The following INO80 variants were observed in gnomAD, a reference collection of about 807,000 sequenced individuals.
INO80 encodes the protein chromatin-remodeling ATPase INO80.
In INO80, 20 loss-of-function variants were observed where a neutral mutation model predicts 203.4. The observed-to-expected ratio is 0.10, with a 90% CI of 0.07 to 0.14. The LOEUF (loss-of-function observed/expected upper bound fraction) is 0.14, where lower values mean the gene tolerates loss of function less well. Among genes scored for constraint, INO80 ranks in the 10% least tolerant of loss-of-function variants. The pLI, the probability that INO80 is intolerant of heterozygous loss-of-function variation, is 1.00. For synonymous variants in INO80, 726 were observed against 685.2 expected, an observed-to-expected ratio of 1.06 and a Z score of -0.93; for missense variants, 1,419 against 1,914.4, an observed-to-expected ratio of 0.74 and a Z score of 4.83.
chr15:41,102,830 CTT>C (rs2045829444), intron 1 of INO80, among the ~76,000 whole-genome samples: 1 of 152,054 alleles, frequency 6.6e-6, no homozygotes, highest in Non-Finnish European at 1.5e-5. Context: ...ATTTAATAAT[CTT>C]TGAAAACTTG....
chr15:41,069,997 C>A (rs562238025), intron 13 of INO80, among the ~76,000 whole-genome samples: 2 of 152,198 alleles, frequency 1.3e-5, no homozygotes, highest in East Asian at 3.9e-4. Flanking sequence ...AGGTATAGAG[C>A]TTTTGCTTTT....
chr15:41,037,652 G>T (rs1285737401), intron 24 of INO80, among the ~76,000 whole-genome samples: 5 of 152,062 alleles, frequency 3.3e-5, no homozygotes, highest in Non-Finnish European at 4.4e-5. Context: ...CTATTAAAAA[G>T]TATAGTTGGG....
rs936380306 is a variant in INO80, at chr15:41,116,247, G to T, written c.-318C>A. On this transcript the variant is annotated 5_prime_UTR_variant, in exon 1 of 36. Transcript: ENST00000648947. ...ACTGAGAGGAGCGGAGCAGGGACACGGGGAGCCATGGCGGGGGGGAGGAGA... is the reference window on the plus strand; with the variant it reads ...ACTGAGAGGAGCGGAGCAGGGACACTGGGAGCCATGGCGGGGGGGAGGAGA... 3 of 400,596 alleles carry T rather than the reference G, an allele frequency of 7.5e-6. No individual in the cohort carries two copies. Among genetic ancestry groups the T allele is most frequent in the Non-Finnish European group, 1.3e-5 (3 of 227,966 alleles). 24.8% of individuals were successfully genotyped at this position (400,596 alleles called of 1,614,324 possible).
chr15:41,067,438 G>C (rs763867625), intron 14 of INO80, among the ~76,000 whole-genome samples: 48 of 151,770 alleles, frequency 3.2e-4, no homozygotes, highest in Non-Finnish European at 5.7e-4. Context: ...GAAAAAAAAA[G>C]CAGAAAAAGA....
At chr15:41,009,923 C>G (rs947082778) in intron 27 of INO80, among the ~76,000 whole-genome samples, 1 of 152,026 alleles carries the variant, frequency 6.6e-6, no homozygotes, top group East Asian at 1.9e-4. Flanking sequence ...TTAAAAGCAT[C>G]GGAACACTTT....
At chr15:40,986,819 G>A (rs923845120) in intron 31 of INO80, among the ~76,000 whole-genome samples, 1 of 152,066 alleles carries the variant, frequency 6.6e-6, no homozygotes, top group Non-Finnish European at 1.5e-5. Context: ...TAGAGGTGGG[G>A]TTTCACAATG....
At chr15:41,087,149 G>T (rs528289767) in intron 6 of INO80, among the ~76,000 whole-genome samples, 8 of 151,842 alleles carry the variant, frequency 5.3e-5, no homozygotes, top group Admixed American at 5.3e-4. Context: ...AAAAAAGAAT[G>T]GTTGCAGCAG....
intron 23 of INO80, among the ~76,000 whole-genome samples, chr15:41,046,117 G>A (rs144065878): frequency 1.3e-5 from 2 of 149,216 alleles, no homozygotes; most frequent in Non-Finnish European, 3.0e-5. Context: ...AGAAATTATG[G>A]GAGAAAAGCC....
At chr15:41,036,888 A>G (rs1183967189) in intron 24 of INO80, among the ~76,000 whole-genome samples, 1 of 152,106 alleles carries the variant, frequency 6.6e-6, no homozygotes, top group African/African-American at 2.4e-5. Context: ...GTTACTTGAG[A>G]TCAGGAGTTT....
intron 1 of INO80, among the ~76,000 whole-genome samples, chr15:41,107,844 G>GT (rs1308573612): frequency 6.2e-5 from 9 of 144,462 alleles, no homozygotes; most frequent in Non-Finnish European, 1.4e-4. Flanking sequence ...GCTCACGCCT[G>GT]TAATGCCAGC....
At chr15:41,101,829 C>T (rs1388314570) in intron 1 of INO80, among the ~76,000 whole-genome samples, 4 of 150,270 alleles carry the variant, frequency 2.7e-5, no homozygotes, top group African/African-American at 9.7e-5. Context: ...GGATTACAGG[C>T]GTGAGCCACC....
chr15:41,109,630 T>C (rs888800133), intron 1 of INO80, among the ~76,000 whole-genome samples: 33 of 149,756 alleles, frequency 2.2e-4, no homozygotes, highest in African/African-American at 7.9e-4. Context: ...AACCCTATCT[T>C]ACTAAAAATA....
intron 29 of INO80, among the ~76,000 whole-genome samples, chr15:40,991,927 G>A (rs1026417900): frequency 2.6e-5 from 4 of 152,048 alleles, no homozygotes; most frequent in South Asian, 4.1e-4. Context: ...ACAGGCGTCC[G>A]CCACCATGCC....
intron 10 of INO80, among the ~76,000 whole-genome samples, chr15:41,073,808 T>C (rs74014747): frequency 0.042 from 6,376 of 152,152 alleles, 466 homozygotes; most frequent in African/African-American, 0.15. Context: ...ATTCAAAATT[T>C]TAATATATTT....
chr15:41,092,541 T>C (rs185556038), intron 4 of INO80, among the ~76,000 whole-genome samples: 2 of 151,622 alleles, frequency 1.3e-5, no homozygotes, highest in Admixed American at 6.6e-5. Flanking sequence ...TAAAAAAATA[T>C]AGAAAGCAAG....
intron 24 of INO80, among the ~76,000 whole-genome samples, chr15:41,035,649 G>A (rs566721196): frequency 1.6e-4 from 24 of 150,786 alleles, no homozygotes; most frequent in South Asian, 1.3e-3. Context: ...GTGAAACCCC[G>A]TTTCTATTAA....
intron 24 of INO80, among the ~76,000 whole-genome samples, chr15:41,035,821 CAAAAAA>C (rs71104768): frequency 6.9e-4 from 14 of 20,152 alleles, no homozygotes; most frequent in South Asian, 5.0e-3. Context: ...GACTCTGTCT[CAAAAAA>C]AAAAAAAAAA....
chr15:40,983,972 T>C (rs375775631), intron 33 of INO80, 51 bp from the exon 34 acceptor site: 55 of 1,586,846 alleles, frequency 3.5e-5, no homozygotes, highest in Middle Eastern at 2.0e-4. Flanking sequence ...TCACCGCCCA[T>C]GGCCTTGCAC....
chr15:41,034,978 C>A (rs543636296), intron 24 of INO80, among the ~76,000 whole-genome samples: 3 of 152,302 alleles, frequency 2.0e-5, no homozygotes, highest in African/African-American at 7.2e-5. Context: ...AAAAAAAATG[C>A]TCACAAGGAG....
Sources: gnomAD v4.1 joint callset for allele counts (sites outside exome capture counted in the v4.1 genomes callset) on GRCh38, gnomAD v4.1.1 for gene constraint, MANE v1.5 for transcripts, NCBI Gene and HGNC (gene_info 2026-07-23, HGNC 2026-07-21) for gene names.